ACACA: variants seen among roughly 807,000 people sequenced by gnomAD.
ACACA encodes acetyl-CoA carboxylase alpha, also known as acetyl-CoA carboxylase 1.
ACACA carries 103 observed loss-of-function variants against 296.1 expected under a neutral mutation model. That is an observed-to-expected ratio of 0.35 (90% CI 0.30 to 0.41). The LOEUF (loss-of-function observed/expected upper bound fraction) is 0.41, where lower values mean the gene tolerates loss of function less well. ACACA is among the 10% of genes least tolerant of loss of function. ACACA has a pLI of 1.00. For synonymous variants in ACACA, 953 were observed against 1,038.6 expected (o/e 0.92, Z 1.58); for missense variants, 1,554 against 2,989.7 (o/e 0.52, Z 11.20).
chr17:37,301,473 T>C, intron 3 of ACACA: 1 of 862,804 alleles, frequency 1.2e-6, no homozygotes, highest in Non-Finnish European at 1.4e-6. Flanking sequence ...CGGCAGACAG[T>C]GATGCATTCG....
At chr17:37,151,582 T>C (rs1258609878) in intron 43 of ACACA, among the ~76,000 whole-genome samples, 161 bp from the exon 44 acceptor site, 2 of 152,242 alleles carry the variant, frequency 1.3e-5, no homozygotes, top group Non-Finnish European at 2.9e-5. Context: ...TCATATGTCT[T>C]TCCTTCTTAG....
chr17:37,160,217 G>C (rs1470298228), intron 42 of ACACA, among the ~76,000 whole-genome samples: 1 of 152,174 alleles, frequency 6.6e-6, no homozygotes, highest in East Asian at 1.9e-4. Context: ...ACAGTACAGA[G>C]GGAAAAAGTG....
intron 39 of ACACA, among the ~76,000 whole-genome samples, chr17:37,184,815 C>A (rs746036759): frequency 6.8e-6 from 1 of 148,082 alleles, no homozygotes; most frequent in Non-Finnish European, 1.5e-5. Context: ...CAATATTGCA[C>A]TCTAGCTTGG....
chr17:37,357,424 C>G (rs1268852890), intron 1 of ACACA, among the ~76,000 whole-genome samples: 1 of 152,036 alleles, frequency 6.6e-6, no homozygotes, highest in Non-Finnish European at 1.5e-5. Context: ...AACCAGGAGA[C>G]GAAGGTTGCA....
chr17:37,248,609 A>G lies in ACACA; in HGVS notation c.2147T>C (p.Val716Ala), dbSNP rs1171966677. 2.5e-6 allele frequency: 4 copies of G among 1,608,304 alleles called. No individual in the cohort carries two copies. Among genetic ancestry groups the G allele is most frequent in the Non-Finnish European group, 3.4e-6 (4 of 1,175,348 alleles). The change falls in exon 17 of 56, where the codon GTC becomes GCC. Residue 716 changes from valine to alanine, a missense_variant. Transcript: ENST00000616317. ...TCTGCATACCTTAAGTACATACTTG[A>G]CTCCCTCATAGATAAGTTCAACATC... is the stretch of plus-strand genomic sequence containing the variant. ...TVDVELIYEG[V>A]KYVLKVTRQS...
At chr17:37,304,474 G>A (rs2083773149) in intron 3 of ACACA, among the ~76,000 whole-genome samples, 1 of 152,096 alleles carries the variant, frequency 6.6e-6, no homozygotes, top group African/African-American at 2.4e-5. Flanking sequence ...TCTATTTATT[G>A]ATTCATTGTT....
At chr17:37,161,562 A>T in intron 42 of ACACA, 1 of 611,048 alleles carries the variant, frequency 1.6e-6, no homozygotes, top group South Asian at 2.2e-5. Flanking sequence ...AGAAACAGCA[A>T]CCTGTTTTAT....
chr17:37,276,898 A>C (rs1479003684), intron 7 of ACACA, 135 bp downstream of exon 7: 13 of 778,498 alleles, frequency 1.7e-5, no homozygotes, highest in Non-Finnish European at 2.8e-5. Context: ...TCTGAGAGTT[A>C]GTAATAGATT....
Position 37,291,992 on chromosome 17 carries a change from T to C in ACACA, c.339-7022A>G, listed in dbSNP as rs143795608. Among the ~76,000 whole-genome samples, 499 of 152,168 alleles carry C rather than the reference T, an allele frequency of 3.3e-3. 3 individuals are homozygous for C. The highest frequency in any genetic ancestry group is 0.019 in the South Asian group (91 of 4,814). ...AATTTGACTGCTCTAAGAAGTAATT[T>C]TTTAACTTTGCACAAAACATAGTAT... is the stretch of plus-strand genomic sequence containing the variant. On this transcript the variant is annotated intron_variant, in intron 3 of 55. Transcript: ENST00000616317.
intron 3 of ACACA, among the ~76,000 whole-genome samples, chr17:37,287,281 C>T (rs2082820127): frequency 6.6e-6 from 1 of 152,172 alleles, no homozygotes; most frequent in Non-Finnish European, 1.5e-5. Flanking sequence ...TTTCTGTGCA[C>T]ATATAGTTTT....
Position 37,181,404 on chromosome 17 carries a change from C to CA in ACACA, c.4777-49dup, listed in dbSNP as rs2077311269. Reference sequence around the variant, plus strand: ...GGGGAGTTAAGAGACAGAAAAAAATCAGAGAGCTGCCTAGAGGGGCTTTTT... The same window carrying CA: ...GGGGAGTTAAGAGACAGAAAAAAATCAAGAGAGCTGCCTAGAGGGGCTTTTT... On this transcript the variant is annotated intron_variant, in intron 39 of 55. Coordinates refer to ENST00000616317, the MANE Select transcript of ACACA (RefSeq NM_198834.3). The CA allele has an allele frequency of 1.9e-6, 3 of 1,608,184 alleles. No homozygotes were observed. The Middle Eastern group carries it at 5.2e-4, about 279-fold the overall frequency.
intron 1 of ACACA, among the ~76,000 whole-genome samples, chr17:37,394,992 C>A (rs2051030324): frequency 6.6e-6 from 1 of 151,796 alleles, no homozygotes; most frequent in Non-Finnish European, 1.5e-5. Context: ...AAAGTAATAC[C>A]TAATCTCTCT....
At position 37,390,330 on chromosome 17, in the gene ACACA, A is replaced by ATATATATATCTATATATCTATATATC. The variant is rs1386032855; in HGVS notation, c.38+15931_38+15932insGATATATAGATATATAGATATATATA. 2.4e-4 allele frequency among the ~76,000 whole-genome samples: 10 copies of ATATATATATCTATATATCTATATATC among 41,592 alleles called. 1 individual carries two copies. The highest frequency in any genetic ancestry group is 1.6e-3 in the East Asian group (1 of 608). 27.3% of individuals were successfully genotyped at this position (41,592 alleles called of 152,430 possible). A position where few individuals can be genotyped will look rare whatever the true frequency, so the allele number is the denominator to read the frequency against. On this transcript the variant is annotated intron_variant, in intron 1 of 55. Transcript: ENST00000616317. ...TATATATATATATATATATATATAT[A>ATATATATATCTATATATCTATATATC]TATAAAAGGCCAGCTGGGCCGGGCA...
chr17:37,313,185 A>G (rs1413564364), intron 3 of ACACA, among the ~76,000 whole-genome samples: 1 of 152,108 alleles, frequency 6.6e-6, no homozygotes, highest in Non-Finnish European at 1.5e-5. Context: ...AAGAATAGCT[A>G]ATGGATACTG....
At chr17:37,108,779 G>A (rs2073831529) in intron 52 of ACACA, among the ~76,000 whole-genome samples, 1 of 152,182 alleles carries the variant, frequency 6.6e-6, no homozygotes, top group African/African-American at 2.4e-5. Context: ...CAGATTTGGG[G>A]AGAGAACGGC....
At chr17:37,380,157 C>T (rs1347286820) in intron 1 of ACACA, among the ~76,000 whole-genome samples, 1 of 151,786 alleles carries the variant, frequency 6.6e-6, no homozygotes, top group East Asian at 1.9e-4. Context: ...TCATCATTCT[C>T]AGTAAACTAT....
intron 2 of ACACA, among the ~76,000 whole-genome samples, chr17:37,337,633 T>G (rs911005620): frequency 3.3e-5 from 5 of 152,038 alleles, no homozygotes; most frequent in South Asian, 2.1e-4. Context: ...TTTGTTTTTT[T>G]GTACAGACAG....
At chr17:37,260,319 A>G (rs1366132320) in intron 11 of ACACA, among the ~76,000 whole-genome samples, 2 of 55,408 alleles carry the variant, frequency 3.6e-5, no homozygotes, top group African/African-American at 5.8e-5. Context: ...TTTTTTTTGG[A>G]GATGGAGTCT....
intron 24 of ACACA, among the ~76,000 whole-genome samples, chr17:37,235,709 T>G (rs550276738): frequency 6.6e-6 from 1 of 152,180 alleles, no homozygotes; most frequent in Non-Finnish European, 1.5e-5. Flanking sequence ...CATTTTCTTC[T>G]GTTAGTCCTT....
Sources: gnomAD v4.1 joint callset for allele counts (sites outside exome capture counted in the v4.1 genomes callset) on GRCh38, gnomAD v4.1.1 for gene constraint, MANE v1.5 for transcripts, NCBI Gene and HGNC (gene_info 2026-07-23, HGNC 2026-07-21) for gene names.